The following AMZ1 variants were observed in gnomAD, a reference collection of about 807,000 sequenced individuals.
AMZ1 encodes the protein archaemetzincin-1.
AMZ1 carries 39 observed loss-of-function variants against 29.9 expected under a neutral mutation model. The observed-to-expected ratio is 1.30, with a 90% CI of 1.01 to 1.70. AMZ1 has a LOEUF of 1.70. Among genes scored for constraint, AMZ1 ranks in the 40% most tolerant of loss-of-function variants. The pLI is 0.00. For missense variants in AMZ1, 1,041 were observed against 680.6 expected, an observed-to-expected ratio of 1.53 and a Z score of -5.89; for synonymous variants, 458 against 304.0, an observed-to-expected ratio of 1.51 and a Z score of -5.27.
rs1789088175 is a variant in AMZ1 at position 2,715,797 on chromosome 7, G to A, written c.*2919G>A. ...ACGCAAGGCAGAGGAGAGAGAATGA[G>A]GGCTGCCTTCTCGAGGAAGGTCACA... On this transcript the variant is annotated 3_prime_UTR_variant, in exon 7 of 7. Transcript: ENST00000683327. 1 of 152,198 alleles carries A rather than the reference G, an allele frequency of 6.6e-6. No homozygotes were observed. The highest frequency in any genetic ancestry group is 1.5e-5 in the Non-Finnish European group (1 of 68,052). The allele number at this position is 152,198 out of a possible 1,614,324, so 9.4% of individuals were successfully genotyped here.
At position 2,731,899 on chromosome 7, in the gene AMZ1, C is replaced by T. The variant is rs1198636422; in HGVS notation, n.550+22083C>T. The T allele has an allele frequency of 5.8e-6, 3 of 519,562 alleles. No individual in the cohort carries two copies. Among genetic ancestry groups the T allele is most frequent in the Non-Finnish European group, 1.0e-5 (3 of 295,596 alleles). 32.2% of individuals were successfully genotyped at this position (519,562 alleles called of 1,614,324 possible). A position where few individuals can be genotyped will look rare whatever the true frequency, so the allele number is the denominator to read the frequency against. ...AACCAAAAGCAAATTTCATTTATAACATTATCAACTGGCCGTGAAACAGAA... is the reference window on the plus strand; with the variant it reads ...AACCAAAAGCAAATTTCATTTATAATATTATCAACTGGCCGTGAAACAGAA... On this transcript the variant is annotated intron_variant and non_coding_transcript_variant, in intron 4 of 4. Coordinates refer to the AMZ1 transcript ENST00000489665. This position sits in a 1 kb window ranked among gnomAD's most constrained non-coding sequence, Gnocchi z 6.0.
chr7:2,760,911 G>A (rs1791523101), upstream of AMZ1, among the ~76,000 whole-genome samples: 1 of 151,774 alleles, frequency 6.6e-6, no homozygotes, highest in Admixed American at 6.6e-5. Context: ...GTGGGGAGTG[G>A]GGGGTTCTGG....
chr7:2,752,743 C>T (rs571704846), intron 4 of AMZ1, among the ~76,000 whole-genome samples: 8 of 152,226 alleles, frequency 5.3e-5, no homozygotes, highest in Non-Finnish European at 8.8e-5. Context: ...CGTAACTTTT[C>T]ATCTTGAAAT....
At position 2,714,613 on chromosome 7, in the gene AMZ1, C is replaced by T. The variant is rs968010546; in HGVS notation, c.*1735C>T. 1 of 152,244 alleles carries T rather than the reference C, an allele frequency of 6.6e-6. No homozygotes were observed. Among genetic ancestry groups the T allele is most frequent in the African/African-American group, 2.4e-5 (1 of 41,454 alleles). The allele number at this position is 152,244 out of a possible 1,614,324, so 9.4% of individuals were successfully genotyped here. A position where few individuals can be genotyped will look rare whatever the true frequency, so the allele number is the denominator to read the frequency against. ...GCCTGGTGGCTGTTGCTGCAAACAA[C>T]CACCCAAAACTTAGTGGCTTAAAAT... On this transcript the variant is annotated 3_prime_UTR_variant, in exon 7 of 7. Transcript: ENST00000683327.
In AMZ1 at chr7:2,709,330, C is replaced by T. The variant is rs557784148; in HGVS notation, c.771+86C>T. The T allele has an allele frequency of 7.7e-5, 103 of 1,336,378 alleles. 2 individuals carry two copies. The South Asian group carries it at 1.6e-3, about 20-fold the overall frequency. 82.8% of individuals were successfully genotyped at this position (1,336,378 alleles called of 1,614,324 possible). A position where few individuals can be genotyped will look rare whatever the true frequency, so the allele number is the denominator to read the frequency against. On this transcript the variant is annotated intron_variant, in intron 5 of 6. Transcript: ENST00000683327. ...GCCTCGGTCTGTTACACTGCCCCAT[C>T]CTCACAGTGAAGTGGATGGACCCCT...
At chr7:2,724,281 C>T (rs1219542376), downstream of AMZ1, among the ~76,000 whole-genome samples, 6 of 152,228 alleles carry the variant, frequency 3.9e-5, no homozygotes, top group Non-Finnish European at 7.3e-5. Flanking sequence ...TCACCAGCGC[C>T]GGGCAAGGCC....
In AMZ1 at chr7:2,713,009, C is replaced by T; in HGVS notation, c.*131C>T. The T allele has an allele frequency of 9.6e-7, 1 of 1,044,870 alleles. No homozygotes were observed. Among genetic ancestry groups the T allele is most frequent in the Non-Finnish European group, 1.3e-6 (1 of 780,952 alleles). 64.7% of individuals were successfully genotyped at this position (1,044,870 alleles called of 1,614,324 possible). Reference sequence around the variant, plus strand: ...CTGGGTGGTGGCTCAGGCCTGTCATCCCATCACTTTGAGAGGCCAGGAGTT... The same window carrying T: ...CTGGGTGGTGGCTCAGGCCTGTCATTCCATCACTTTGAGAGGCCAGGAGTT... On this transcript the variant is annotated 3_prime_UTR_variant, in exon 7 of 7. Transcript: ENST00000683327.
At chr7:2,696,447 CG>C (rs1430348678) in intron 1 of AMZ1, among the ~76,000 whole-genome samples, 2 of 150,668 alleles carry the variant, frequency 1.3e-5, no homozygotes, top group Non-Finnish European at 1.5e-5. Context: ...TTAGTAGAGA[CG>C]GGGTTTCACC....
At chr7:2,692,311 C>CG (rs1787444544) in intron 1 of AMZ1, among the ~76,000 whole-genome samples, 1 of 152,060 alleles carries the variant, frequency 6.6e-6, no homozygotes, top group African/African-American at 2.4e-5. Context: ...GAGGCCGAGG[C>CG]GGGCGGATCA....
chr7:2,758,763 G>C (rs1562410928), intron 4 of AMZ1, among the ~76,000 whole-genome samples: 1 of 152,192 alleles, frequency 6.6e-6, no homozygotes. Flanking sequence ...CCCACCTCTG[G>C]TTCAGTGGAT....
chr7:2,744,894 C>T (rs749464590), intron 4 of AMZ1, among the ~76,000 whole-genome samples: 16 of 151,934 alleles, frequency 1.1e-4, no homozygotes, highest in South Asian at 4.2e-4. Flanking sequence ...GGAGCCGATG[C>T]GATGAACTGG....
At chr7:2,684,759 C>T (rs558333259), upstream of AMZ1, among the ~76,000 whole-genome samples, 52 of 152,160 alleles carry the variant, frequency 3.4e-4, no homozygotes, top group African/African-American at 8.9e-4. Flanking sequence ...CTGGGCATGG[C>T]GCCACCCAAC....
chr7:2,706,060 A>G (rs1019185617), intron 3 of AMZ1, among the ~76,000 whole-genome samples: 3 of 152,156 alleles, frequency 2.0e-5, no homozygotes, highest in South Asian at 2.1e-4. Context: ...CCAGCCCCAC[A>G]CTTCAGAAGG....
At position 2,747,845 on chromosome 7, in the gene AMZ1, T is replaced by C. The variant is rs932984954; in HGVS notation, n.551-16867T>C. 7.2e-5 allele frequency among the ~76,000 whole-genome samples: 11 copies of C among 152,192 alleles called. No individual in the cohort carries two copies. In the South Asian group the frequency reaches 2.1e-3, roughly 29 times the overall value. ...GGATATAAAATCAATGTACAAAAAT[T>C]ACAAGCATTCTTATACACCAATAAC... is the stretch of plus-strand genomic sequence containing the variant. On this transcript the variant is annotated intron_variant and non_coding_transcript_variant, in intron 4 of 4. Transcript: ENST00000489665.
rs952696779 is a variant in AMZ1 at position 2,731,703 on chromosome 7, G to A, written n.550+21887G>A. ...CGAAGTCATGCTCCACAATTCCCTTGGTGGCTTTCCTAGCCAGCAGGATAT... is the reference window on the plus strand; with the variant it reads ...CGAAGTCATGCTCCACAATTCCCTTAGTGGCTTTCCTAGCCAGCAGGATAT... On this transcript the variant is annotated intron_variant and non_coding_transcript_variant, in intron 4 of 4. Transcript: ENST00000489665. This position sits in a 1 kb window ranked among gnomAD's most constrained non-coding sequence, Gnocchi z 6.0. 1 of 1,587,420 alleles carries A rather than the reference G, an allele frequency of 6.3e-7. No homozygotes were observed. The highest frequency in any genetic ancestry group is 1.1e-5 in the South Asian group (1 of 88,500).
At chr7:2,736,409 G>C (rs1351766367) in intron 4 of AMZ1, among the ~76,000 whole-genome samples, 1 of 151,038 alleles carries the variant, frequency 6.6e-6, no homozygotes, top group Non-Finnish European at 1.5e-5. Flanking sequence ...GCTGGGGCCA[G>C]CGGCCACTGA....
At chr7:2,697,659 A>T (rs1233849837) in intron 1 of AMZ1, among the ~76,000 whole-genome samples, 1 of 151,908 alleles carries the variant, frequency 6.6e-6, no homozygotes, top group Non-Finnish European at 1.5e-5. Context: ...TCCTGTGCTC[A>T]AGTGATCCAC....
intron 1 of AMZ1, among the ~76,000 whole-genome samples, chr7:2,689,467 T>C (rs1271279182): frequency 1.3e-5 from 2 of 152,288 alleles, no homozygotes; most frequent in South Asian, 2.1e-4. Context: ...ATGGTATTAA[T>C]AGCAGCAGGG....
rs565172717 is a variant in AMZ1, at chr7:2,712,543, C to G, written c.1162C>G (p.Leu388Val). ...ASGPEEGLSYLAASEAPLPPG... is the reference protein window; with the variant it reads ...ASGPEEGLSYVAASEAPLPPG... The stretch of plus-strand genomic sequence containing the variant: ...GGGGCCAGAGGAAGGGCTGAGCTAC[C>G]TGGCAGCCTCAGAGGCTCCGCTGCC... The change falls in exon 7 of 7, where the codon CTG becomes GTG. Residue 388 changes from leucine (L) to valine (V), a missense_variant. By Grantham distance (32) the Leu-to-Val change is conservative. Transcript: ENST00000683327. 2 of 1,609,022 alleles carry G rather than the reference C, an allele frequency of 1.2e-6. No homozygotes were observed. Among genetic ancestry groups the G allele is most frequent in the East Asian group, 2.2e-5 (1 of 44,780 alleles).
Sources: allele counts gnomAD v4.1 joint callset (sites outside exome capture counted in the v4.1 genomes callset), GRCh38; gene constraint gnomAD v4.1.1; non-coding constraint Gnocchi (gnomAD v3.1); transcripts MANE v1.5; gene names NCBI Gene and HGNC (gene_info 2026-07-23, HGNC 2026-07-21).